The following TGFBR2 variants were observed in gnomAD, a reference collection of about 807,000 sequenced individuals.
TGFBR2 encodes TGF-beta receptor type-2.
In TGFBR2, 18 loss-of-function variants were observed where a neutral mutation model predicts 49.0. That is an observed-to-expected ratio of 0.37 (90% confidence interval 0.25 to 0.54). The LOEUF (loss-of-function observed/expected upper bound fraction) is 0.54, where lower values mean the gene tolerates loss of function less well. Among genes scored for constraint, TGFBR2 ranks in the 20% least tolerant of loss-of-function variants. The pLI, the probability that TGFBR2 is intolerant of heterozygous loss-of-function variation, is 0.85. For missense variants in TGFBR2, 525 were observed against 722.6 expected, an observed-to-expected ratio of 0.73 and a Z score of 3.13; for synonymous variants, 282 against 275.9, an observed-to-expected ratio of 1.02 and a Z score of -0.22.
At chr3:30,660,872 A>T (rs992779490) in intron 3 of TGFBR2, among the ~76,000 whole-genome samples, 1 of 152,210 alleles carries the variant, frequency 6.6e-6, no homozygotes, top group Non-Finnish European at 1.5e-5. Flanking sequence ...GGCAGAGACA[A>T]GGCAGGGACC....
At chr3:30,669,221 C>T (rs569450239) in intron 3 of TGFBR2, among the ~76,000 whole-genome samples, 2 of 148,394 alleles carry the variant, frequency 1.3e-5, no homozygotes, top group Admixed American at 6.7e-5. Flanking sequence ...GAGCAGAGAT[C>T]GTGCCATTGC....
intron 1 of TGFBR2, among the ~76,000 whole-genome samples, chr3:30,637,759 C>G (rs1315015115): frequency 6.6e-6 from 1 of 152,120 alleles, no homozygotes; most frequent in African/African-American, 2.4e-5. Flanking sequence ...ATTTATTTTA[C>G]TAGTCTTCTC....
At chr3:30,659,030 G>A (rs2125419653) in intron 3 of TGFBR2, among the ~76,000 whole-genome samples, 2 of 152,308 alleles carry the variant, frequency 1.3e-5, no homozygotes, top group South Asian at 4.1e-4. Flanking sequence ...CCAACACCAG[G>A]GAGCTGGCTT....
chr3:30,622,786 A>G (rs982718222), intron 1 of TGFBR2, among the ~76,000 whole-genome samples: 1 of 148,048 alleles, frequency 6.8e-6, no homozygotes, highest in African/African-American at 2.5e-5. Context: ...AAGCTGAGCC[A>G]GGAGAATCAC....
chr3:30,623,545 C>T (rs898513511), intron 1 of TGFBR2, among the ~76,000 whole-genome samples: 2 of 152,160 alleles, frequency 1.3e-5, no homozygotes, highest in Admixed American at 1.3e-4. Flanking sequence ...TGTAATGAGT[C>T]ATTTTACTTT....
chr3:30,646,125 T>TC (rs1247063466), intron 2 of TGFBR2, among the ~76,000 whole-genome samples: 2 of 152,100 alleles, frequency 1.3e-5, no homozygotes, highest in Non-Finnish European at 2.9e-5. Context: ...CAAATATCTC[T>TC]CCCCCTTTTT....
intron 1 of TGFBR2, among the ~76,000 whole-genome samples, chr3:30,608,456 G>A (rs1697974152): frequency 6.6e-6 from 1 of 152,106 alleles, no homozygotes; most frequent in South Asian, 2.1e-4. Context: ...CTGGTGACTT[G>A]GAGATGACCC....
intron 3 of TGFBR2, among the ~76,000 whole-genome samples, chr3:30,651,629 G>A (rs1698888799): frequency 6.6e-6 from 1 of 152,146 alleles, no homozygotes. Context: ...ATTGTCTTCA[G>A]TTTTTCCACT....
chr3:30,617,097 A>G (rs939015663), intron 1 of TGFBR2, among the ~76,000 whole-genome samples: 2 of 151,784 alleles, frequency 1.3e-5, no homozygotes, highest in Non-Finnish European at 1.5e-5. Flanking sequence ...AAAAAAAAGG[A>G]AACTTGTCTA....
At position 30,641,506 on chromosome 3, in the gene TGFBR2, G is replaced by C. The variant is rs530843873; in HGVS notation, c.95-3241G>C. ...CGATGGCTGGTGCTGAACATGTCCT[G>C]CATACAGGCTTTTGAAAAAAAATTC... is the stretch of plus-strand genomic sequence containing the variant. On this transcript the variant is annotated intron_variant, in intron 1 of 6. Coordinates refer to ENST00000295754, the MANE Select transcript of TGFBR2 (RefSeq NM_003242.6). Among the ~76,000 whole-genome samples, 41 of 152,238 alleles carry C rather than the reference G, an allele frequency of 2.7e-4. No individual in the cohort carries two copies. The East Asian group carries it at 6.8e-3, about 25-fold the overall frequency.
Position 30,674,243 on chromosome 3 carries a change from G to A in TGFBR2, c.1393G>A (p.Gly465Arg). The A allele has an allele frequency of 1.2e-6, 2 of 1,614,132 alleles. No homozygotes were observed. The highest frequency in any genetic ancestry group is 1.7e-6 in the Non-Finnish European group (2 of 1,179,988). Residue 465 changes from glycine to arginine, a missense_variant, in exon 5 of 7, where the codon GGA (glycine) becomes AGA (arginine). Transcript: ENST00000295754. Reference protein sequence around the residue: ...WEMTSRCNAVGEVKDYEPPFG... With the variant: ...WEMTSRCNAVREVKDYEPPFG... ...AATGACATCTCGCTGTAATGCAGTG[G>A]GAGGTAGGTGTGGACCAGCATCATT... is the stretch of plus-strand genomic sequence containing the variant.
At chr3:30,616,928 A>C (rs1376409134) in intron 1 of TGFBR2, among the ~76,000 whole-genome samples, 1 of 152,256 alleles carries the variant, frequency 6.6e-6, no homozygotes, top group East Asian at 1.9e-4. Flanking sequence ...TGGTGGTAAT[A>C]TTATTCCTCT....
chr3:30,620,392 C>G (rs1207628757), intron 1 of TGFBR2, among the ~76,000 whole-genome samples: 3 of 151,758 alleles, frequency 2.0e-5, no homozygotes, highest in African/African-American at 7.3e-5. Context: ...TTTTTTTTCT[C>G]CCAGATGGCT....
intron 3 of TGFBR2, among the ~76,000 whole-genome samples, chr3:30,659,804 A>G (rs1699082734): frequency 6.6e-6 from 1 of 151,914 alleles, no homozygotes; most frequent in Non-Finnish European, 1.5e-5. Flanking sequence ...TGTGTTCCAT[A>G]AACTCCACAC....
intron 1 of TGFBR2, among the ~76,000 whole-genome samples, chr3:30,631,957 T>C (rs1036740681): frequency 1.3e-5 from 2 of 152,116 alleles, no homozygotes; most frequent in African/African-American, 4.8e-5. Flanking sequence ...TGTTTTATAA[T>C]TAACTTTTAC....
chr3:30,686,786 C>A (rs1359981540), intron 5 of TGFBR2, among the ~76,000 whole-genome samples: 1 of 152,186 alleles, frequency 6.6e-6, no homozygotes, highest in East Asian at 1.9e-4. Context: ...GGGATGTTTT[C>A]TATCTTTTTA....
chr3:30,653,783 T>C (rs1271901740), intron 3 of TGFBR2, among the ~76,000 whole-genome samples: 1 of 152,246 alleles, frequency 6.6e-6, no homozygotes, highest in Non-Finnish European at 1.5e-5. Flanking sequence ...TTTCTAGTGC[T>C]ACTATTAATG....
intron 3 of TGFBR2, among the ~76,000 whole-genome samples, chr3:30,657,597 A>G (rs1575150428): frequency 2.0e-5 from 3 of 152,346 alleles, no homozygotes; most frequent in Middle Eastern, 3.4e-3. Context: ...GTATTTATTT[A>G]TGTAGAGAAC....
intron 1 of TGFBR2, among the ~76,000 whole-genome samples, chr3:30,640,498 C>G (rs1052095607): frequency 1.3e-5 from 2 of 152,082 alleles, no homozygotes; most frequent in African/African-American, 4.8e-5. Flanking sequence ...TACATATAAC[C>G]TACACACATC....
Sources: allele counts gnomAD v4.1 joint callset (sites outside exome capture counted in the v4.1 genomes callset), GRCh38; gene constraint gnomAD v4.1.1; transcripts MANE v1.5; gene names NCBI Gene and HGNC (gene_info 2026-07-23, HGNC 2026-07-21).